The following SOCS7 variants were observed in gnomAD, a reference collection of about 807,000 sequenced individuals.
SOCS7 encodes the protein suppressor of cytokine signaling 7.
SOCS7 carries 18 observed loss-of-function variants against 58.9 expected under a neutral mutation model. The ratio of observed to expected loss-of-function variants is 0.31; its 90% CI spans 0.21 to 0.45. SOCS7 has a LOEUF of 0.45. SOCS7 is among the 20% of genes least tolerant of loss of function. The pLI is 1.00. For missense variants in SOCS7, 667 were observed against 837.3 expected (o/e 0.80, Z 2.51); for synonymous variants, 388 against 364.3 (o/e 1.06, Z -0.74).
intron 6 of SOCS7, among the ~76,000 whole-genome samples, chr17:38,376,987 G>A (rs1238771625): frequency 6.6e-6 from 1 of 152,108 alleles, no homozygotes; most frequent in Admixed American, 6.5e-5. Flanking sequence ...TGCTATACAG[G>A]TCTGTAGCCT....
intron 7 of SOCS7, among the ~76,000 whole-genome samples, chr17:38,379,630 G>A (rs146839160): frequency 6.6e-6 from 1 of 152,252 alleles, no homozygotes; most frequent in Non-Finnish European, 1.5e-5. Context: ...GGAACAGGTT[G>A]AGCCAGGTGA....
intron 6 of SOCS7, among the ~76,000 whole-genome samples, chr17:38,371,311 G>T (rs1212712914): frequency 1.4e-5 from 2 of 145,162 alleles, no homozygotes; most frequent in African/African-American, 5.2e-5. Context: ...GTCTCGCTTT[G>T]TTGCCCAGGC....
At position 38,400,228 on chromosome 17, in the gene SOCS7, A is replaced by T. The variant is rs1747167231; in HGVS notation, c.*746A>T. On this transcript the variant is annotated 3_prime_UTR_variant, in exon 10 of 10. Transcript: ENST00000612932. ...TGATTTACTTAATTCCTTAAGTTCCATGACCTGAAGTTAACCCCGTTCTTC... is the reference window on the plus strand; with the variant it reads ...TGATTTACTTAATTCCTTAAGTTCCTTGACCTGAAGTTAACCCCGTTCTTC... The T allele has an allele frequency of 1.3e-5, 2 of 152,222 alleles. No homozygotes were observed. The highest frequency in any genetic ancestry group is 6.5e-5 in the Admixed American group (1 of 15,278). The allele number at this position is 152,222 out of a possible 1,614,324, so 9.4% of individuals were successfully genotyped here.
rs2037561258 is a variant in SOCS7, at chr17:38,352,145, C to A, written c.93C>A (p.Ala31=). 12 of 1,147,136 alleles carry A rather than the reference C, an allele frequency of 1.0e-5. No individual in the cohort carries two copies. The highest frequency in any genetic ancestry group is 1.6e-5 in the African/African-American group (1 of 61,858). 71.1% of individuals were successfully genotyped at this position (1,147,136 alleles called of 1,614,324 possible). Residue 31 remains alanine (A), a synonymous_variant, in exon 1 of 10, where the codon GCC becomes GCA. Transcript: ENST00000612932. This position sits in a 1 kb window ranked among gnomAD's most constrained non-coding sequence, Gnocchi z 5.5. Reference sequence around the variant, plus strand: ...GCCTCCTTGGCTATGGAGAGGCGGCCCCCGAGCCAGGCCCTCCGCCACCGC... The same window carrying A: ...GCCTCCTTGGCTATGGAGAGGCGGCACCCGAGCCAGGCCCTCCGCCACCGC... The part of the protein sequence containing the change: ...LSRLLGYGEA[A]PEPGPPPPPP...
At chr17:38,366,776 G>A (rs1460348781) in intron 5 of SOCS7, among the ~76,000 whole-genome samples, 2 of 152,140 alleles carry the variant, frequency 1.3e-5, no homozygotes, top group South Asian at 2.1e-4. Flanking sequence ...GATTATAGGC[G>A]TAAGCCACCA....
chr17:38,365,451 A>G (rs1386706595), intron 4 of SOCS7, 42 bp downstream of exon 4: 1 of 1,269,494 alleles, frequency 7.9e-7, no homozygotes, highest in African/African-American at 1.5e-5. Context: ...AGTTGGGAGT[A>G]CAAAGTGATA....
At chr17:38,362,808 A>T (rs1373426812) in intron 2 of SOCS7, among the ~76,000 whole-genome samples, 1 of 152,194 alleles carries the variant, frequency 6.6e-6, no homozygotes, top group East Asian at 1.9e-4. Flanking sequence ...TTTCCTCATT[A>T]AAGTAAGGAA....
At chr17:38,382,699 G>C (rs1177103248) in intron 7 of SOCS7, among the ~76,000 whole-genome samples, 1 of 151,930 alleles carries the variant, frequency 6.6e-6, no homozygotes, top group Non-Finnish European at 1.5e-5. Context: ...ATGTTGGCCA[G>C]GCTGCCCTTA....
rs989537809 is a variant in SOCS7, at chr17:38,402,580, A to G, written c.*3098A>G. 2 of 152,174 alleles carry G rather than the reference A, an allele frequency of 1.3e-5. No homozygotes were observed. The highest frequency in any genetic ancestry group is 4.8e-5 in the African/African-American group (2 of 41,424). The allele number at this position is 152,174 out of a possible 1,614,324, so 9.4% of individuals were successfully genotyped here. A position where few individuals can be genotyped will look rare whatever the true frequency, so the allele number is the denominator to read the frequency against. The stretch of plus-strand genomic sequence containing the variant: ...ACCCTATCTCTACTAAAATACAAAA[A>G]TTAGCTGGGCATGGTGGCATGCGCC... On this transcript the variant is annotated 3_prime_UTR_variant, in exon 10 of 10. Transcript: ENST00000612932.
Position 38,405,036 on chromosome 17 carries a change from C to G in SOCS7, c.*5554C>G, listed in dbSNP as rs566972061. On this transcript the variant is annotated 3_prime_UTR_variant, in exon 10 of 10. Transcript: ENST00000612932. ...TGCAACCACTTCTGTCTCCGTTAGCCCCCCCTCTGCCCTCCTCCAAGCCAA... is the reference window on the plus strand; with the variant it reads ...TGCAACCACTTCTGTCTCCGTTAGCGCCCCCTCTGCCCTCCTCCAAGCCAA... 2.0e-5 allele frequency: 3 copies of G among 152,238 alleles called. No homozygotes were observed. The highest frequency in any genetic ancestry group is 6.5e-5 in the Admixed American group (1 of 15,278). 9.4% of individuals were successfully genotyped at this position (152,238 alleles called of 1,614,324 possible).
chr17:38,372,418 A>G (rs2037879328), intron 6 of SOCS7, among the ~76,000 whole-genome samples: 1 of 152,248 alleles, frequency 6.6e-6, no homozygotes, highest in Non-Finnish European at 1.5e-5. Flanking sequence ...ATTAACTGTT[A>G]CATACTGGGT....
intron 1 of SOCS7, among the ~76,000 whole-genome samples, chr17:38,356,599 A>C (rs1041151659): frequency 6.6e-6 from 1 of 151,940 alleles, no homozygotes; most frequent in Non-Finnish European, 1.5e-5. Flanking sequence ...TCCTGAGCTC[A>C]GGCAGTCCGC....
chr17:38,387,035 T>G (rs2038076488), intron 7 of SOCS7, among the ~76,000 whole-genome samples: 1 of 136,310 alleles, frequency 7.3e-6, no homozygotes, highest in Admixed American at 7.9e-5. Flanking sequence ...CAGTGAGCTA[T>G]CGCGCCACTG....
rs1325388745 is a variant in SOCS7 at position 38,405,468 on chromosome 17, TGTAA to T, written c.*5989_*5992del. 1.6e-4 allele frequency: 25 copies of T among 152,340 alleles called. No individual in the cohort carries two copies. The East Asian group carries it at 4.8e-3, about 29-fold the overall frequency. 9.4% of individuals were successfully genotyped at this position (152,340 alleles called of 1,614,324 possible). A position where few individuals can be genotyped will look rare whatever the true frequency, so the allele number is the denominator to read the frequency against. On this transcript the variant is annotated 3_prime_UTR_variant, in exon 10 of 10. Coordinates refer to ENST00000612932, the MANE Select transcript of SOCS7 (RefSeq NM_014598.4). Reference sequence around the variant, plus strand: ...ACCCCATGTACAATTCCCAGTTTTTTGTAAGTGTCAGTGCGAGAGACATTTGACT... The same window carrying T: ...ACCCCATGTACAATTCCCAGTTTTTTGTGTCAGTGCGAGAGACATTTGACT...
chr17:38,382,434 T>G (rs1382473968), intron 7 of SOCS7, among the ~76,000 whole-genome samples: 1 of 102,592 alleles, frequency 9.7e-6, no homozygotes, highest in Non-Finnish European at 1.8e-5. Flanking sequence ...CGAGACCCTA[T>G]CTCAAAAAAA....
chr17:38,369,606 C>T (rs557395249), intron 6 of SOCS7, among the ~76,000 whole-genome samples: 3 of 151,548 alleles, frequency 2.0e-5, no homozygotes, highest in African/African-American at 7.3e-5. Flanking sequence ...TAAATAAATA[C>T]TTGACCTTTA....
At chr17:38,353,563 A>G (rs2037591523) in intron 1 of SOCS7, among the ~76,000 whole-genome samples, 1 of 152,174 alleles carries the variant, frequency 6.6e-6, no homozygotes, top group African/African-American at 2.4e-5. Context: ...GTTCCCTTAG[A>G]TGAACTTGGC....
At chr17:38,395,164 C>T (rs2038228884) in intron 7 of SOCS7, 145 bp from the exon 8 acceptor site, 4 of 696,652 alleles carry the variant, frequency 5.7e-6, no homozygotes, top group Non-Finnish European at 9.1e-6. Context: ...AAATCAACAG[C>T]ACTTTGTGGA....
intron 1 of SOCS7, among the ~76,000 whole-genome samples, chr17:38,354,683 C>A (rs2037610198): frequency 6.6e-6 from 1 of 152,174 alleles, no homozygotes; most frequent in African/African-American, 2.4e-5. Flanking sequence ...GCTCCACTTA[C>A]CAGCACAGAT....
Sources: allele counts gnomAD v4.1 joint callset (sites outside exome capture counted in the v4.1 genomes callset), GRCh38; gene constraint gnomAD v4.1.1; non-coding constraint Gnocchi (gnomAD v3.1); transcripts MANE v1.5; gene names NCBI Gene and HGNC (gene_info 2026-07-23, HGNC 2026-07-21).